The following DCAF8L2 variants were observed in gnomAD, a reference collection of about 807,000 sequenced individuals.
DCAF8L2 encodes DDB1- and CUL4-associated factor 8-like protein 2.
For synonymous variants in DCAF8L2, 200 were observed against 190.9 expected (o/e 1.05, Z -0.39); for missense variants, 430 against 490.7 (o/e 0.88, Z 1.17).
chrX:27,652,527 C>A (rs921353460), intron 2 of DCAF8L2, among the ~76,000 whole-genome samples: 25 of 111,627 alleles, frequency 2.2e-4, no homozygotes, highest in Admixed American at 1.9e-3. Context: ...GCTAACTTTG[C>A]CGGATTTTTA....
At chrX:27,732,460 T>C (rs1410829414) in intron 4 of DCAF8L2, among the ~76,000 whole-genome samples, 1 of 105,404 alleles carries the variant, frequency 9.5e-6, no homozygotes. Context: ...GATCTCCTTT[T>C]CTAAGGCTTA....
chrX:27,586,020 C>T (rs935269920), upstream of DCAF8L2, among the ~76,000 whole-genome samples: 2 of 111,563 alleles, frequency 1.8e-5, no homozygotes, highest in Non-Finnish European at 3.8e-5. Flanking sequence ...CTAACACACA[C>T]CATCAGGGTA....
At chrX:27,574,978 C>T in the DCAF8L2 span, among the ~76,000 whole-genome samples, 1 of 112,150 alleles carries the variant, frequency 8.9e-6, no homozygotes, top group Non-Finnish European at 1.9e-5. Context: ...TTTCTGTATC[C>T]TTGGCTCTTG....
chrX:27,554,571 A>C, the DCAF8L2 span, among the ~76,000 whole-genome samples: 1 of 112,091 alleles, frequency 8.9e-6, no homozygotes, highest in Non-Finnish European at 1.9e-5. Context: ...GTGTTGTGTA[A>C]AAAGATATGG....
chrX:27,613,913 C>CT (rs1192793912), intron 1 of DCAF8L2, among the ~76,000 whole-genome samples: 1 of 111,186 alleles, frequency 9.0e-6, no homozygotes, highest in Non-Finnish European at 1.9e-5. Flanking sequence ...CTAAAATTCT[C>CT]TTTTTTTGTT....
At chrX:27,528,004 ATT>A in the DCAF8L2 span, among the ~76,000 whole-genome samples, 38 of 67,864 alleles carry the variant, frequency 5.6e-4, no homozygotes, top group African/African-American at 3.6e-3. Flanking sequence ...ATTAAATTAA[ATT>A]TTTAATTTAA....
the DCAF8L2 span, among the ~76,000 whole-genome samples, chrX:27,513,023 G>A: frequency 9.0e-6 from 1 of 110,919 alleles, no homozygotes; most frequent in Non-Finnish European, 1.9e-5. Flanking sequence ...AAATGGTGCT[G>A]GGACAACTGT....
intron 3 of DCAF8L2, among the ~76,000 whole-genome samples, chrX:27,711,092 C>G (rs62590473): frequency 9.0e-6 from 1 of 110,860 alleles, no homozygotes; most frequent in Admixed American, 9.6e-5. Context: ...CTTTTGTTCT[C>G]TTAATATGGT....
chrX:27,684,753 A>G (rs1239217250), intron 3 of DCAF8L2, among the ~76,000 whole-genome samples: 1 of 111,587 alleles, frequency 9.0e-6, no homozygotes, highest in Non-Finnish European at 1.9e-5. Flanking sequence ...ATACAATTGT[A>G]TAGGCCATCA....
chrX:27,712,140 C>T (rs763537446), intron 3 of DCAF8L2, among the ~76,000 whole-genome samples: 5 of 110,936 alleles, frequency 4.5e-5, no homozygotes, highest in East Asian at 2.8e-4. Context: ...TTCCAAGAAC[C>T]GGATTTTGGC....
the DCAF8L2 span, among the ~76,000 whole-genome samples, chrX:27,485,088 A>C: frequency 2.7e-5 from 3 of 111,785 alleles, no homozygotes; most frequent in South Asian, 1.1e-3. Flanking sequence ...AAATGATCAC[A>C]CGATTTCCTT....
the DCAF8L2 span, among the ~76,000 whole-genome samples, chrX:27,562,376 C>T: frequency 8.9e-6 from 1 of 112,203 alleles, no homozygotes; most frequent in South Asian, 3.7e-4. Flanking sequence ...GCCAAAAGCT[C>T]ACCACGGTCC....
At chrX:27,613,484 C>G (rs766845747) in intron 1 of DCAF8L2, among the ~76,000 whole-genome samples, 9 of 111,329 alleles carry the variant, frequency 8.1e-5, no homozygotes, top group Admixed American at 2.9e-4. Context: ...ACTTCCAACA[C>G]TATGTTGAAT....
At chrX:27,544,288 A>G in the DCAF8L2 span, among the ~76,000 whole-genome samples, 1 of 111,692 alleles carries the variant, frequency 9.0e-6, no homozygotes, top group Admixed American at 9.5e-5. Flanking sequence ...CTATCTGGCC[A>G]TTTCTTTGAG....
chrX:27,528,050 T>TTATTAAATTAAATTTTTAATTTAATTAAA, the DCAF8L2 span, among the ~76,000 whole-genome samples: 2 of 28,345 alleles, frequency 7.1e-5, no homozygotes, highest in Non-Finnish European at 8.8e-5. Flanking sequence ...ATTTAATTAA[T>TTATTAAATTAAATTTTTAATTTAATTAAA]TATTAAATTA....
chrX:27,499,838 G>T, the DCAF8L2 span, among the ~76,000 whole-genome samples: 2 of 96,738 alleles, frequency 2.1e-5, no homozygotes, highest in South Asian at 8.2e-4. Flanking sequence ...TTTGGTGGTG[G>T]GGGGGGGTAC....
chrX:27,472,716 A>G, the DCAF8L2 span, among the ~76,000 whole-genome samples: 18 of 112,097 alleles, frequency 1.6e-4, no homozygotes, highest in African/African-American at 5.8e-4. Flanking sequence ...TGAAAAGGAC[A>G]TGATCTCATT....
the DCAF8L2 span, among the ~76,000 whole-genome samples, chrX:27,529,819 G>T: frequency 6.3e-5 from 7 of 111,622 alleles, no homozygotes; most frequent in Non-Finnish European, 1.3e-4. Context: ...GTGATACAAA[G>T]AAACTCCCTT....
At chrX:27,705,792 T>C (rs1931322800) in intron 3 of DCAF8L2, among the ~76,000 whole-genome samples, 1 of 112,145 alleles carries the variant, frequency 8.9e-6, no homozygotes. Context: ...TTTAGTTTAA[T>C]TAGATTCTAT....
Sources: gnomAD v4.1 joint callset for allele counts (sites outside exome capture counted in the v4.1 genomes callset) on GRCh38, gnomAD v4.1.1 for gene constraint, MANE v1.5 for transcripts, NCBI Gene and HGNC (gene_info 2026-07-23, HGNC 2026-07-21) for gene names.